Variants in TPRG1 observed in about 807,000 individuals in gnomAD.
TPRG1 encodes the protein tumor protein p63-regulated gene 1 protein.
TPRG1 carries 29 observed loss-of-function variants against 29.3 expected under a neutral mutation model. That is an observed-to-expected ratio of 0.99 (90% CI 0.74 to 1.35). The LOEUF (loss-of-function observed/expected upper bound fraction) is 1.35. Ranked by LOEUF, TPRG1 falls within the 40% of genes most tolerant of loss-of-function variation. The pLI is 0.00. For missense variants in TPRG1, 327 were observed against 335.0 expected (o/e 0.98, Z 0.19); for synonymous variants, 130 against 116.8 (o/e 1.11, Z -0.73).
rs560061936 is a variant in TPRG1, at chr3:189,228,717, T to C, written c.303-10016T>C. 4.6e-5 allele frequency among the ~76,000 whole-genome samples: 7 copies of C among 152,306 alleles called. No homozygotes were observed. In the East Asian group the frequency reaches 1.3e-3, roughly 29 times the overall value. ...TGGAACAAGGAAAGCGTATTCATTC[T>C]CACTACATTGAATACTCTAGTAATT... On this transcript the variant is annotated intron_variant, in intron 3 of 5. Coordinates refer to ENST00000345063, the MANE Select transcript of TPRG1 (RefSeq NM_198485.4).
intron 1 of TPRG1, among the ~76,000 whole-genome samples, chr3:189,110,142 T>C (rs1720330891): frequency 6.6e-6 from 1 of 152,158 alleles, no homozygotes; most frequent in African/African-American, 2.4e-5. Flanking sequence ...ACAAGTGGGA[T>C]TGCTGCATTG....
intron 3 of TPRG1, among the ~76,000 whole-genome samples, chr3:189,232,420 G>A (rs1186732686): frequency 1.3e-5 from 2 of 152,140 alleles, no homozygotes; most frequent in African/African-American, 4.8e-5. Context: ...CAAGGGCATC[G>A]AATAGATACA....
chr3:189,060,188 C>T (rs59361987), intron 4 of TPRG1, among the ~76,000 whole-genome samples: 12,718 of 152,106 alleles, frequency 0.084, 754 homozygotes, highest in African/African-American at 0.16. Flanking sequence ...GCTGAGATTG[C>T]GCCATTGCAC....
At chr3:189,000,673 T>C (rs1427084710) in intron 1 of TPRG1, 2 of 152,158 alleles carry the variant, frequency 1.3e-5, no homozygotes, top group African/African-American at 2.4e-5. Flanking sequence ...CCTATACCAG[T>C]ATCCTATTAG....
chr3:189,282,628 G>T (rs553724023), intron 4 of TPRG1, among the ~76,000 whole-genome samples: 1 of 151,780 alleles, frequency 6.6e-6, no homozygotes, highest in South Asian at 2.1e-4. Context: ...TTAATAAAAT[G>T]ATATTTTCTG....
chr3:189,016,631 A>G (rs1266936233), intron 3 of TPRG1, among the ~76,000 whole-genome samples: 2 of 152,084 alleles, frequency 1.3e-5, no homozygotes, highest in East Asian at 3.9e-4. Context: ...GTGAGGGACC[A>G]GGTGGGAGGT....
At chr3:189,010,521 C>T (rs773816739) in intron 3 of TPRG1, among the ~76,000 whole-genome samples, 5 of 152,168 alleles carry the variant, frequency 3.3e-5, no homozygotes, top group African/African-American at 4.8e-5. Context: ...ATTTGCATTT[C>T]GCTAATAATC....
chr3:189,104,140 C>T (rs996458498), intron 1 of TPRG1, among the ~76,000 whole-genome samples: 1 of 152,028 alleles, frequency 6.6e-6, no homozygotes, highest in Non-Finnish European at 1.5e-5. Flanking sequence ...CATGGTAGCT[C>T]CTGGTAGATG....
chr3:189,183,713 C>T (rs753228869), intron 1 of TPRG1, among the ~76,000 whole-genome samples: 1 of 151,986 alleles, frequency 6.6e-6, no homozygotes, highest in Non-Finnish European at 1.5e-5. Flanking sequence ...TTCCACCTGG[C>T]TCACCAGAGG....
At chr3:189,046,432 C>T (rs1253790313) in intron 4 of TPRG1, among the ~76,000 whole-genome samples, 3 of 152,112 alleles carry the variant, frequency 2.0e-5, no homozygotes, top group African/African-American at 4.8e-5. Flanking sequence ...ACAGAGCTAA[C>T]GGCTATTTCT....
chr3:189,105,496 C>G (rs1373042367), intron 1 of TPRG1, among the ~76,000 whole-genome samples: 1 of 152,086 alleles, frequency 6.6e-6, no homozygotes, highest in East Asian at 1.9e-4. Context: ...TAATGAGCCT[C>G]TCTCATATCC....
chr3:189,311,863 T>C (rs961943088), intron 5 of TPRG1, among the ~76,000 whole-genome samples: 1 of 151,648 alleles, frequency 6.6e-6, no homozygotes, highest in East Asian at 1.9e-4. Context: ...AAGAACAACC[T>C]AACACCTATT....
intron 4 of TPRG1, among the ~76,000 whole-genome samples, chr3:189,040,124 T>G: frequency 6.6e-6 from 1 of 152,172 alleles, no homozygotes; most frequent in East Asian, 1.9e-4. Context: ...GGACCTAGCT[T>G]GCCTCCACTA....
chr3:189,194,439 T>C (rs1732212379), intron 1 of TPRG1, among the ~76,000 whole-genome samples: 1 of 152,164 alleles, frequency 6.6e-6, no homozygotes, highest in Non-Finnish European at 1.5e-5. Context: ...CTGGGCTCAG[T>C]GTTACATGAA....
At chr3:189,224,505 C>A (rs1227906960) in intron 3 of TPRG1, among the ~76,000 whole-genome samples, 4 of 151,614 alleles carry the variant, frequency 2.6e-5, no homozygotes, top group African/African-American at 7.3e-5. Context: ...AACAAAAAAA[C>A]AAAAACATTC....
intron 4 of TPRG1, among the ~76,000 whole-genome samples, chr3:189,077,361 T>C (rs1227389762): frequency 6.6e-6 from 1 of 152,080 alleles, no homozygotes; most frequent in East Asian, 1.9e-4. Flanking sequence ...AAATACACAC[T>C]TTCTGTATTT....
At chr3:189,128,695 G>T (rs763350146) in intron 2 of TPRG1, among the ~76,000 whole-genome samples, 1 of 152,196 alleles carries the variant, frequency 6.6e-6, no homozygotes, top group Non-Finnish European at 1.5e-5. Context: ...ATTAGGCTGA[G>T]AGAGCTTAGG....
chr3:189,059,316 G>T (rs1195907901), intron 4 of TPRG1, among the ~76,000 whole-genome samples: 1 of 152,210 alleles, frequency 6.6e-6, no homozygotes, highest in Admixed American at 6.5e-5. Flanking sequence ...GAGAAGGCCA[G>T]GTGCAGTGGC....
chr3:189,238,863 C>A lies in TPRG1; in HGVS notation c.433C>A (p.Arg145Ser), dbSNP rs759000542. 3.1e-6 allele frequency: 5 copies of A among 1,613,514 alleles called. No individual in the cohort carries two copies. The highest frequency in any genetic ancestry group is 4.2e-6 in the Non-Finnish European group (5 of 1,179,616). Residue 145 changes from arginine to serine, a missense_variant, in exon 4 of 6, where the codon CGC becomes AGC. Arg to Ser is a moderately radical substitution (Grantham distance 110). Coordinates refer to ENST00000345063, the MANE Select transcript of TPRG1 (RefSeq NM_198485.4). Reference protein sequence around the residue: ...LQRIPLSAVYRICLGKFTFPG... With the variant: ...LQRIPLSAVYSICLGKFTFPG... ...GCGGATTCCTCTGAGCGCTGTCTAT[C>A]GCATCTGCCTGGGCAAGTTCACCTT...
Sources: gnomAD v4.1 joint callset for allele counts (sites outside exome capture counted in the v4.1 genomes callset) on GRCh38, gnomAD v4.1.1 for gene constraint, MANE v1.5 for transcripts, NCBI Gene and HGNC (gene_info 2026-07-23, HGNC 2026-07-21) for gene names.